Variants in PRICKLE1 observed in about 807,000 individuals in gnomAD.
PRICKLE1 encodes prickle planar cell polarity protein 1, also known as prickle-like protein 1.
A neutral mutation model predicts 70.2 loss-of-function variants in PRICKLE1; 14 were observed. The ratio of observed to expected loss-of-function variants is 0.20; its 90% CI spans 0.13 to 0.31. PRICKLE1 has a LOEUF of 0.31. Ranked by LOEUF, PRICKLE1 falls within the 10% of genes least tolerant of loss-of-function variation. The pLI is 1.00. For synonymous variants in PRICKLE1, 357 were observed against 379.9 expected (o/e 0.94, Z 0.70); for missense variants, 821 against 1,026.2 (o/e 0.80, Z 2.73).
chr12:42,572,388 A>AT (rs1321855288), intron 1 of PRICKLE1, among the ~76,000 whole-genome samples: 1 of 151,776 alleles, frequency 6.6e-6, no homozygotes, highest in Non-Finnish European at 1.5e-5. Flanking sequence ...GTGAGCCGAG[A>AT]TTGTGCCATT....
intron 1 of PRICKLE1, among the ~76,000 whole-genome samples, chr12:42,477,458 GTA>G (rs1452351047): frequency 4.2e-5 from 4 of 94,958 alleles, no homozygotes; most frequent in Non-Finnish European, 4.9e-5. Context: ...ATGTATATAC[GTA>G]TATATGTGTG....
chr12:42,534,815 C>G (rs1211129257), intron 1 of PRICKLE1, among the ~76,000 whole-genome samples: 1 of 152,102 alleles, frequency 6.6e-6, no homozygotes, highest in African/African-American at 2.4e-5. Context: ...ATTTATTTTC[C>G]TAGAAAGATA....
intron 1 of PRICKLE1, among the ~76,000 whole-genome samples, chr12:42,560,103 AATTATTATTATT>A (rs35742688): frequency 0.031 from 4,269 of 139,822 alleles, 124 homozygotes; most frequent in African/African-American, 0.075. Flanking sequence ...AATCTCCTTT[AATTATTATTATT>A]ATTATTATTA....
chr12:42,465,429 T>C, intron 6 of PRICKLE1, 171 bp from the exon 7 acceptor site: 1 of 645,074 alleles, frequency 1.6e-6, no homozygotes, highest in Non-Finnish European at 2.6e-6. Flanking sequence ...TGAGTGTGCC[T>C]ACTCATAAAA....
chr12:42,585,676 G>A (rs1325686466), intron 1 of PRICKLE1, among the ~76,000 whole-genome samples: 1 of 152,170 alleles, frequency 6.6e-6, no homozygotes, highest in Non-Finnish European at 1.5e-5. Flanking sequence ...GGAGAGAGGG[G>A]AAGTGGGGGG....
At position 42,472,575 on chromosome 12, in the gene PRICKLE1, T is replaced by C. The variant is rs1938369820; in HGVS notation, c.-48-11A>G. 1.2e-6 allele frequency: 2 copies of C among 1,609,846 alleles called. No homozygotes were observed. Among genetic ancestry groups the C allele is most frequent in the Non-Finnish European group, 1.7e-6 (2 of 1,176,702 alleles). ...ATCAAACAATGGCTGCTGTGAACAA[T>C]ATAAGAAAAAACAAAGACATCTAAA... On this transcript the variant is annotated splice_polypyrimidine_tract_variant and intron_variant, in intron 1 of 7. Coordinates refer to ENST00000345127, the MANE Select transcript of PRICKLE1 (RefSeq NM_153026.3).
chr12:42,492,165 A>C (rs1566100208), intron 1 of PRICKLE1, among the ~76,000 whole-genome samples: 1 of 151,934 alleles, frequency 6.6e-6, no homozygotes, highest in Non-Finnish European at 1.5e-5. Context: ...GCAGTGGTGC[A>C]ATCATAGCTC....
At chr12:42,470,172 T>C in intron 3 of PRICKLE1, 74 bp downstream of exon 3, 1 of 1,119,324 alleles carries the variant, frequency 8.9e-7, no homozygotes, top group South Asian at 1.2e-5. Flanking sequence ...AGTTGGGGTT[T>C]ATGAGCAGCA....
intron 1 of PRICKLE1, among the ~76,000 whole-genome samples, chr12:42,587,669 G>C (rs1009246926): frequency 2.0e-5 from 3 of 152,188 alleles, no homozygotes; most frequent in Non-Finnish European, 2.9e-5. Context: ...TCAGGCTCCA[G>C]CTGGGCTACA....
intron 7 of PRICKLE1, among the ~76,000 whole-genome samples, chr12:42,460,920 T>C (rs890639546): frequency 6.6e-6 from 1 of 152,198 alleles, no homozygotes; most frequent in African/African-American, 2.4e-5. Context: ...TTGCTCTAGT[T>C]GCCCGGGCTG....
chr12:42,559,641 G>C (rs1480542417), intron 1 of PRICKLE1, among the ~76,000 whole-genome samples: 1 of 78,930 alleles, frequency 1.3e-5, no homozygotes, highest in Non-Finnish European at 2.3e-5. Flanking sequence ...TTTTTTGGGG[G>C]GGGTAGAGAT....
chr12:42,552,531 C>G (rs1196684368), intron 1 of PRICKLE1, among the ~76,000 whole-genome samples: 1 of 152,204 alleles, frequency 6.6e-6, no homozygotes. Flanking sequence ...CTTTTTTATT[C>G]TTATTGTCAT....
Position 42,458,642 on chromosome 12 carries a change from T to C in PRICKLE1, c.*1167A>G, listed in dbSNP as rs957334610. 16 of 152,136 alleles carry C rather than the reference T, an allele frequency of 1.1e-4. No individual in the cohort carries two copies. The highest frequency in any genetic ancestry group is 9.2e-4 in the Admixed American group (14 of 15,284). 9.4% of individuals were successfully genotyped at this position (152,136 alleles called of 1,614,324 possible). A position where few individuals can be genotyped will look rare whatever the true frequency, so the allele number is the denominator to read the frequency against. ...CAACAAATTAGTGGGAGGGAAGGAATAAAAAGGAATAACCTCTCTTAAAAT... is the reference window on the plus strand; with the variant it reads ...CAACAAATTAGTGGGAGGGAAGGAACAAAAAGGAATAACCTCTCTTAAAAT... On this transcript the variant is annotated 3_prime_UTR_variant, in exon 8 of 8. Coordinates refer to ENST00000345127, the MANE Select transcript of PRICKLE1 (RefSeq NM_153026.3).
chr12:42,490,622 G>A (rs189798468), intron 1 of PRICKLE1, among the ~76,000 whole-genome samples: 16 of 152,306 alleles, frequency 1.1e-4, no homozygotes, highest in African/African-American at 2.9e-4. Flanking sequence ...GTCTGAGGAC[G>A]TGATTTCTCA....
chr12:42,531,274 C>G (rs1939913411), intron 1 of PRICKLE1, among the ~76,000 whole-genome samples: 1 of 149,580 alleles, frequency 6.7e-6, no homozygotes, highest in Non-Finnish European at 1.5e-5. Context: ...TCTCGATCTC[C>G]TGACCTTGTG....
At chr12:42,552,565 CA>C in intron 1 of PRICKLE1, among the ~76,000 whole-genome samples, 1 of 152,288 alleles carries the variant, frequency 6.6e-6, no homozygotes, top group South Asian at 2.1e-4. Context: ...AGAGAATTAG[CA>C]ATAAAGTCTC....
At chr12:42,567,566 G>A (rs781738304) in intron 1 of PRICKLE1, among the ~76,000 whole-genome samples, 9 of 152,140 alleles carry the variant, frequency 5.9e-5, no homozygotes, top group Non-Finnish European at 1.2e-4. Context: ...GGTGGCTCAC[G>A]CCAGTAATCC....
intron 1 of PRICKLE1, among the ~76,000 whole-genome samples, chr12:42,519,258 G>T (rs763586765): frequency 7.7e-6 from 1 of 130,528 alleles, no homozygotes; most frequent in African/African-American, 2.8e-5. Flanking sequence ...GTGCAATGGC[G>T]CAATCTCTGC....
chr12:42,517,166 T>A (rs1362562867), intron 1 of PRICKLE1, among the ~76,000 whole-genome samples: 1 of 152,224 alleles, frequency 6.6e-6, no homozygotes, highest in Non-Finnish European at 1.5e-5. Flanking sequence ...TATCCTGTTT[T>A]CAGATTCCAA....
Sources: gnomAD v4.1 joint callset for allele counts (sites outside exome capture counted in the v4.1 genomes callset) on GRCh38, gnomAD v4.1.1 for gene constraint, MANE v1.5 for transcripts, NCBI Gene and HGNC (gene_info 2026-07-23, HGNC 2026-07-21) for gene names.